The following SPMAP2L variants were observed in gnomAD, a reference collection of about 807,000 sequenced individuals.
SPMAP2L encodes sperm microtubule associated protein 2 like, also known as sperm microtubule associated protein 2-like.
At chr4:56,617,418 G>C in the SPMAP2L span, among the ~76,000 whole-genome samples, 1 of 152,134 alleles carries the variant, frequency 6.6e-6, no homozygotes, top group Non-Finnish European at 1.5e-5. Flanking sequence ...TTGTTGTGGG[G>C]TGGCAAGGAC....
the SPMAP2L span, chr4:56,559,496 T>C: frequency 1.3e-6 from 2 of 1,529,760 alleles, no homozygotes; most frequent in Non-Finnish European, 8.7e-7. Context: ...CCCAAGGAAG[T>C]TTCCTGCCAC....
At chr4:56,566,792 G>A in the SPMAP2L span, among the ~76,000 whole-genome samples, 1 of 147,152 alleles carries the variant, frequency 6.8e-6, no homozygotes, top group Non-Finnish European at 1.5e-5. Flanking sequence ...CGCCTCCCGG[G>A]TTCAAGCGAT....
the SPMAP2L span, among the ~76,000 whole-genome samples, chr4:56,620,018 T>G: frequency 6.6e-6 from 1 of 152,260 alleles, no homozygotes; most frequent in Non-Finnish European, 1.5e-5. Flanking sequence ...CAGCTAAGGC[T>G]GGCTGGCTGG....
At chr4:56,582,680 A>G in the SPMAP2L span, among the ~76,000 whole-genome samples, 1 of 152,206 alleles carries the variant, frequency 6.6e-6, no homozygotes, top group African/African-American at 2.4e-5. Context: ...TTAAATATAG[A>G]GTTATTATAT....
chr4:56,575,223 TG>T, the SPMAP2L span, among the ~76,000 whole-genome samples: 1 of 149,372 alleles, frequency 6.7e-6, no homozygotes, highest in Non-Finnish European at 1.5e-5. Context: ...CACTCCAGTC[TG>T]GGCGACAGAG....
the SPMAP2L span, chr4:56,530,673 G>A: frequency 1.3e-6 from 2 of 1,533,110 alleles, no homozygotes; most frequent in Non-Finnish European, 1.7e-6. Flanking sequence ...AGCTTCTGGC[G>A]CGAATGGAGA....
the SPMAP2L span, among the ~76,000 whole-genome samples, chr4:56,612,836 G>A: frequency 6.6e-6 from 1 of 151,720 alleles, no homozygotes; most frequent in Non-Finnish European, 1.5e-5. Flanking sequence ...CAAAGTGCTG[G>A]GATTACAGGA....
the SPMAP2L span, chr4:56,594,956 A>G: frequency 6.2e-7 from 1 of 1,611,170 alleles, no homozygotes; most frequent in African/African-American, 1.3e-5. Flanking sequence ...TGGTCCTGGC[A>G]TGGGGCCCAT....
the SPMAP2L span, among the ~76,000 whole-genome samples, chr4:56,548,428 T>G: frequency 6.6e-6 from 1 of 152,192 alleles, no homozygotes; most frequent in Non-Finnish European, 1.5e-5. Context: ...TTATCATATT[T>G]ATTGCCAAAT....
the SPMAP2L span, among the ~76,000 whole-genome samples, chr4:56,536,165 G>A: frequency 3.3e-5 from 5 of 152,176 alleles, no homozygotes; most frequent in South Asian, 6.2e-4. Context: ...TCCACAGCCC[G>A]GGGGTTGGGA....
At chr4:56,530,811 G>A in the SPMAP2L span, 15 of 1,535,358 alleles carry the variant, frequency 9.8e-6, no homozygotes, top group South Asian at 1.2e-4. Context: ...CTCACAGAGA[G>A]CTTGAGGAGT....
At chr4:56,555,608 C>T in the SPMAP2L span, among the ~76,000 whole-genome samples, 1 of 152,102 alleles carries the variant, frequency 6.6e-6, no homozygotes, top group African/African-American at 2.4e-5. Flanking sequence ...TACCTCTCCA[C>T]TTATATAGCT....
At chr4:56,622,355 A>G in the SPMAP2L span, among the ~76,000 whole-genome samples, 1 of 152,250 alleles carries the variant, frequency 6.6e-6, no homozygotes, top group African/African-American at 2.4e-5. Flanking sequence ...CAATAAAAAT[A>G]CCTCGCACCC....
chr4:56,543,233 GCCA>G, the SPMAP2L span, among the ~76,000 whole-genome samples: 1 of 151,328 alleles, frequency 6.6e-6, no homozygotes, highest in Non-Finnish European at 1.5e-5. Flanking sequence ...ACAGGCGCCC[GCCA>G]CCACACCAGG....
the SPMAP2L span, among the ~76,000 whole-genome samples, chr4:56,550,723 T>A: frequency 6.6e-6 from 1 of 152,218 alleles, no homozygotes; most frequent in Non-Finnish European, 1.5e-5. Context: ...TTCTCTTTGA[T>A]CTGTTAATTC....
the SPMAP2L span, among the ~76,000 whole-genome samples, chr4:56,575,853 A>G: frequency 6.6e-6 from 1 of 152,238 alleles, no homozygotes; most frequent in East Asian, 1.9e-4. Context: ...TGGTGAAACT[A>G]AAATTTATAC....
At chr4:56,571,326 C>CT in the SPMAP2L span, among the ~76,000 whole-genome samples, 41,749 of 143,194 alleles carry the variant, frequency 0.29, 8,691 homozygotes, top group African/African-American at 0.59. Context: ...ACTTTTAAAA[C>CT]TTTTTTTTTT....
chr4:56,562,325 A>C, the SPMAP2L span, among the ~76,000 whole-genome samples: 2 of 152,066 alleles, frequency 1.3e-5, no homozygotes, highest in Non-Finnish European at 2.9e-5. Flanking sequence ...AAAATAAATA[A>C]AATTATGCAC....
chr4:56,622,091 G>A, the SPMAP2L span, among the ~76,000 whole-genome samples: 1 of 152,186 alleles, frequency 6.6e-6, no homozygotes, highest in Non-Finnish European at 1.5e-5. Context: ...AGGGTAGGGA[G>A]CAGAGGTATA....
Sources: gnomAD v4.1 joint callset for allele counts (sites outside exome capture counted in the v4.1 genomes callset) on GRCh38, gnomAD v4.1.1 for gene constraint, MANE v1.5 for transcripts, NCBI Gene and HGNC (gene_info 2026-07-23, HGNC 2026-07-21) for gene names.